Variants in GRID2 observed in about 807,000 individuals in gnomAD.
The protein encoded by GRID2 is glutamate receptor ionotropic, delta-2.
In GRID2, 33 loss-of-function variants were observed where a neutral mutation model predicts 114.8. The observed-to-expected ratio is 0.29, with a 90% CI of 0.22 to 0.38. GRID2 has a LOEUF of 0.38. Among genes scored for constraint, GRID2 ranks in the 10% least tolerant of loss-of-function variants. The pLI is 1.00. For missense variants in GRID2, 1,184 were observed against 1,257.7 expected, an observed-to-expected ratio of 0.94 and a Z score of 0.89; for synonymous variants, 505 against 449.9, an observed-to-expected ratio of 1.12 and a Z score of -1.55.
intron 2 of GRID2, among the ~76,000 whole-genome samples, chr4:92,956,379 C>T (rs1441434633): frequency 6.6e-6 from 1 of 152,136 alleles, no homozygotes; most frequent in Non-Finnish European, 1.5e-5. Context: ...TCTGGATTCT[C>T]CTTATGTATC....
intron 2 of GRID2, among the ~76,000 whole-genome samples, chr4:93,005,318 A>AT (rs1721397854): frequency 6.6e-6 from 1 of 152,072 alleles, no homozygotes; most frequent in Admixed American, 6.6e-5. Flanking sequence ...AACTCACTCA[A>AT]TAAGTGCTGC....
At chr4:93,364,534 T>A (rs183456810) in intron 8 of GRID2, among the ~76,000 whole-genome samples, 1 of 152,238 alleles carries the variant, frequency 6.6e-6, no homozygotes, top group East Asian at 1.9e-4. Flanking sequence ...TGCAGTGGTG[T>A]AATCATAGCT....
chr4:93,431,484 A>G (rs1052773147), intron 10 of GRID2, among the ~76,000 whole-genome samples: 4 of 152,200 alleles, frequency 2.6e-5, no homozygotes, highest in African/African-American at 9.6e-5. Flanking sequence ...TGTCAGAACT[A>G]TTTGAGATGT....
At chr4:93,370,491 G>T (rs200377358) in intron 8 of GRID2, among the ~76,000 whole-genome samples, 1 of 138,200 alleles carries the variant, frequency 7.2e-6, no homozygotes, top group East Asian at 2.1e-4. Flanking sequence ...ACACACACAC[G>T]CACACACACA....
chr4:93,711,401 A>G (rs2110167738), intron 14 of GRID2, among the ~76,000 whole-genome samples: 1 of 152,142 alleles, frequency 6.6e-6, no homozygotes, highest in South Asian at 2.1e-4. Flanking sequence ...AGGGACTTCA[A>G]GACTCCGTTT....
intron 6 of GRID2, among the ~76,000 whole-genome samples, chr4:93,220,836 G>T (rs758149568): frequency 6.6e-6 from 1 of 152,108 alleles, no homozygotes; most frequent in Non-Finnish European, 1.5e-5. Flanking sequence ...TTTTTAAAAC[G>T]TCTATCACTA....
At chr4:93,189,594 T>C (rs1206021581) in intron 4 of GRID2, among the ~76,000 whole-genome samples, 1 of 152,178 alleles carries the variant, frequency 6.6e-6, no homozygotes, top group East Asian at 1.9e-4. Context: ...ATCTGACTGA[T>C]AATTCAATGT....
At chr4:92,722,427 C>T (rs1412267051) in intron 2 of GRID2, among the ~76,000 whole-genome samples, 3 of 152,094 alleles carry the variant, frequency 2.0e-5, no homozygotes, top group Admixed American at 2.0e-4. Context: ...TAGAATTTAT[C>T]TTACTCCTGA....
At chr4:93,699,863 A>C (rs1380001789) in intron 14 of GRID2, among the ~76,000 whole-genome samples, 1 of 152,104 alleles carries the variant, frequency 6.6e-6, no homozygotes, top group Non-Finnish European at 1.5e-5. Context: ...GTGAACTGGG[A>C]CTCCAAAATT....
intron 2 of GRID2, among the ~76,000 whole-genome samples, chr4:92,641,311 T>G (rs959795355): frequency 3.3e-5 from 5 of 151,698 alleles, no homozygotes; most frequent in Non-Finnish European, 7.4e-5. Context: ...TTAATTTTTT[T>G]AGGACAGGAT....
intron 13 of GRID2, among the ~76,000 whole-genome samples, chr4:93,546,841 G>A (rs988915108): frequency 1.3e-5 from 2 of 151,892 alleles, no homozygotes; most frequent in African/African-American, 4.8e-5. Flanking sequence ...TAATATACTT[G>A]GTGAACCATC....
chr4:93,202,542 A>C (rs1455796087), intron 4 of GRID2, among the ~76,000 whole-genome samples: 1 of 152,180 alleles, frequency 6.6e-6, no homozygotes, highest in Non-Finnish European at 1.5e-5. Context: ...AAAGGCTTTA[A>C]AAATTCTAGC....
chr4:93,701,151 A>G (rs1422803815), intron 14 of GRID2, among the ~76,000 whole-genome samples: 2 of 152,292 alleles, frequency 1.3e-5, no homozygotes, highest in African/African-American at 4.8e-5. Flanking sequence ...TTGGTATTAA[A>G]TATGTTTTAT....
intron 4 of GRID2, among the ~76,000 whole-genome samples, chr4:93,148,771 C>A (rs972140281): frequency 2.0e-4 from 31 of 152,208 alleles, no homozygotes; most frequent in African/African-American, 7.5e-4. Flanking sequence ...GGGATTTTGT[C>A]TGTTTTTAAT....
chr4:93,591,176 G>T (rs1738246004), intron 13 of GRID2, among the ~76,000 whole-genome samples: 2 of 148,624 alleles, frequency 1.3e-5, no homozygotes, highest in African/African-American at 5.0e-5. Context: ...CATTCAGTAT[G>T]ATATTGGCTG....
intron 10 of GRID2, among the ~76,000 whole-genome samples, chr4:93,447,960 G>A (rs956333449): frequency 1.4e-4 from 22 of 151,918 alleles, no homozygotes; most frequent in African/African-American, 5.3e-4. Context: ...TAATCCGTCA[G>A]CATATTAGAA....
At chr4:93,094,484 T>C (rs2149332837) in intron 3 of GRID2, among the ~76,000 whole-genome samples, 1 of 152,192 alleles carries the variant, frequency 6.6e-6, no homozygotes, top group African/African-American at 2.4e-5. Context: ...TCTCTCTGCA[T>C]AGTTATAATG....
intron 14 of GRID2, among the ~76,000 whole-genome samples, chr4:93,743,956 G>A (rs1731625945): frequency 6.6e-6 from 1 of 152,084 alleles, no homozygotes; most frequent in Non-Finnish European, 1.5e-5. Context: ...GACTTTCAAT[G>A]CTCATTTACC....
intron 1 of GRID2, among the ~76,000 whole-genome samples, chr4:92,411,711 T>G: frequency 7.1e-6 from 1 of 141,812 alleles, no homozygotes; most frequent in South Asian, 2.2e-4. Context: ...CTTTTTTTTG[T>G]TTTTTTGTTT....
Sources: allele counts gnomAD v4.1 joint callset (sites outside exome capture counted in the v4.1 genomes callset), GRCh38; gene constraint gnomAD v4.1.1; transcripts MANE v1.5; gene names NCBI Gene and HGNC (gene_info 2026-07-23, HGNC 2026-07-21).